Variants in AR observed in about 807,000 individuals in gnomAD.
AR encodes dihydrotestosterone receptor.
In AR, 8 loss-of-function variants were observed where a neutral mutation model predicts 53.9. The observed-to-expected ratio is 0.15, with a 90% CI of 0.09 to 0.27. The LOEUF is 0.27. AR is among the 10% of genes least tolerant of loss of function. The pLI, the probability that AR is intolerant of heterozygous loss-of-function variation, is 1.00. For missense variants in AR, 639 were observed against 742.5 expected (o/e 0.86, Z 1.62); for synonymous variants, 359 against 316.4 (o/e 1.13, Z -1.43).
rs369294731 is a variant in AR at position 67,568,963 on chromosome X, G to T, written c.1616+22201G>T. On this transcript the variant is annotated intron_variant, in intron 1 of 7. Transcript: ENST00000374690. ...ACTTTGTACAGGGAACCAGGGAAAC[G>T]AATGCAGAGTGCTCCTGACATTGCC... 8 of 1,208,335 alleles carry T rather than the reference G, an allele frequency of 6.6e-6. No individual in the cohort carries two copies. The Admixed American group carries it at 1.8e-4, about 27-fold the overall frequency.
intron 1 of AR, among the ~76,000 whole-genome samples, chrX:67,586,518 A>G (rs1922553981): frequency 1.8e-5 from 2 of 112,203 alleles, no homozygotes; most frequent in Admixed American, 1.9e-4. Context: ...ATGAGAGATG[A>G]AAATTCCTTC....
At chrX:67,665,726 T>G (rs1927230569) in intron 2 of AR, among the ~76,000 whole-genome samples, 1 of 111,597 alleles carries the variant, frequency 9.0e-6, no homozygotes, top group South Asian at 3.8e-4. Context: ...GCTAGTAACA[T>G]CAGTGAGTGA....
At chrX:67,573,647 A>G (rs1921923573) in intron 1 of AR, among the ~76,000 whole-genome samples, 1 of 111,660 alleles carries the variant, frequency 9.0e-6, no homozygotes, top group East Asian at 2.8e-4. Flanking sequence ...GGTGGATGGA[A>G]TGGGGCTCTT....
chrX:67,642,213 A>C (rs2042061982), intron 1 of AR, among the ~76,000 whole-genome samples: 1 of 111,837 alleles, frequency 8.9e-6, no homozygotes, highest in Non-Finnish European at 1.9e-5. Context: ...CATCTCCCTG[A>C]AGCAGATGTA....
intron 1 of AR, among the ~76,000 whole-genome samples, chrX:67,641,131 A>T (rs1925741324): frequency 9.0e-6 from 1 of 110,996 alleles, no homozygotes; most frequent in Non-Finnish European, 1.9e-5. Flanking sequence ...TCAGTGGTTA[A>T]GAATCTACAC....
Position 67,728,554 on chromosome X carries a change from T to C in AR, c.*4713T>C, listed in dbSNP as rs1473301314. ...GAAATACATTGTAAATGAATATTTG[T>C]ATCCATGTTTCAAAATTGAAATATA... On this transcript the variant is annotated 3_prime_UTR_variant, in exon 8 of 8. Coordinates refer to ENST00000374690, the MANE Select transcript of AR (RefSeq NM_000044.6). 1 of 104,444 alleles carries C rather than the reference T, an allele frequency of 9.6e-6. No homozygotes were observed. Among genetic ancestry groups the C allele is most frequent in the Non-Finnish European group, 1.8e-5 (1 of 54,433 alleles). The allele number at this position is 104,444 out of a possible 1,213,427, so 8.6% of individuals were successfully genotyped here.
At chrX:67,649,779 C>T (rs1926245417) in intron 2 of AR, among the ~76,000 whole-genome samples, 1 of 111,835 alleles carries the variant, frequency 8.9e-6, no homozygotes, top group African/African-American at 3.3e-5. Context: ...GATATTAGCC[C>T]TTTGTCAGAT....
intron 2 of AR, among the ~76,000 whole-genome samples, chrX:67,682,447 G>C (rs1188877304): frequency 9.2e-5 from 10 of 109,144 alleles, no homozygotes; most frequent in Admixed American, 2.0e-4. Flanking sequence ...ACCACACCTA[G>C]CTAATTTTTT....
At chrX:67,578,195 C>G (rs1922141217) in intron 1 of AR, among the ~76,000 whole-genome samples, 2 of 111,241 alleles carry the variant, frequency 1.8e-5, no homozygotes, top group Non-Finnish European at 3.8e-5. Context: ...TTATGCATAC[C>G]TAAGCAGAGG....
At chrX:67,629,735 G>T (rs1424596029) in intron 1 of AR, among the ~76,000 whole-genome samples, 1 of 109,259 alleles carries the variant, frequency 9.2e-6, no homozygotes, top group Non-Finnish European at 1.9e-5. Context: ...ATGTTAGGGT[G>T]TCAATTTTGG....
At chrX:67,680,865 G>A (rs2075929323) in intron 2 of AR, 1 of 302,639 alleles carries the variant, frequency 3.3e-6, no homozygotes, top group African/African-American at 2.7e-5. Flanking sequence ...CTGTCTCATG[G>A]CCTTTGAATC....
At chrX:67,591,352 T>C (rs1307316073) in intron 1 of AR, among the ~76,000 whole-genome samples, 1 of 110,790 alleles carries the variant, frequency 9.0e-6, no homozygotes, top group Non-Finnish European at 1.9e-5. Flanking sequence ...AAAAAAGAAA[T>C]GCATAGAGAG....
chrX:67,606,704 G>A (rs747552027), intron 1 of AR, among the ~76,000 whole-genome samples: 1 of 112,512 alleles, frequency 8.9e-6, no homozygotes, highest in Non-Finnish European at 1.9e-5. Context: ...TCTTGATTGA[G>A]GCTTGGCAAT....
At chrX:67,662,259 C>T (rs1874943976) in intron 2 of AR, among the ~76,000 whole-genome samples, 2 of 111,157 alleles carry the variant, frequency 1.8e-5, no homozygotes, top group African/African-American at 6.6e-5. Flanking sequence ...GCCCTTGCTT[C>T]TCTAGTTCTT....
chrX:67,613,046 G>A (rs1408933418), intron 1 of AR, among the ~76,000 whole-genome samples: 1 of 112,270 alleles, frequency 8.9e-6, no homozygotes, highest in African/African-American at 3.2e-5. Context: ...CTACGTATGA[G>A]GGCTTTGCCC....
Position 67,724,452 on chromosome X carries a change from A to G in AR, c.*611A>G. The G allele has an allele frequency of 5.7e-6, 1 of 175,808 alleles. No individual in the cohort carries two copies. Among genetic ancestry groups the G allele is most frequent in the Non-Finnish European group, 1.1e-5 (1 of 91,853 alleles). The allele number at this position is 175,808 out of a possible 1,213,427, so 14.5% of individuals were successfully genotyped here. On this transcript the variant is annotated 3_prime_UTR_variant, in exon 8 of 8. Transcript: ENST00000374690. Reference sequence around the variant, plus strand: ...ACGAGAAGGTGAAAATTGCAGGCCCATGGGGAGTTACTGATTTTTTCATCT... The same window carrying G: ...ACGAGAAGGTGAAAATTGCAGGCCCGTGGGGAGTTACTGATTTTTTCATCT...
intron 2 of AR, among the ~76,000 whole-genome samples, chrX:67,664,548 G>C (rs1477951915): frequency 8.9e-6 from 1 of 112,148 alleles, no homozygotes; most frequent in African/African-American, 3.2e-5. Context: ...CTCCCAGTTA[G>C]GCTACTCGGG....
chrX:67,619,883 G>C (rs143887649), intron 1 of AR, among the ~76,000 whole-genome samples: 69 of 110,684 alleles, frequency 6.2e-4, no homozygotes, highest in African/African-American at 2.3e-3. Context: ...CTTATGTGTT[G>C]AGGAGTGAGA....
intron 3 of AR, among the ~76,000 whole-genome samples, chrX:67,706,777 G>A (rs2076069861): frequency 1.8e-5 from 2 of 111,645 alleles, no homozygotes; most frequent in South Asian, 7.6e-4. Flanking sequence ...TTTCTCTTGT[G>A]GGAATTTGGT....
Sources: allele counts gnomAD v4.1 joint callset (sites outside exome capture counted in the v4.1 genomes callset), GRCh38; gene constraint gnomAD v4.1.1; transcripts MANE v1.5; gene names NCBI Gene and HGNC (gene_info 2026-07-23, HGNC 2026-07-21).